The following RAB27B variants were observed in gnomAD, a reference collection of about 807,000 sequenced individuals.
RAB27B encodes the protein ras-related protein Rab-27B.
A neutral mutation model predicts 24.6 loss-of-function variants in RAB27B; 15 were observed. The observed-to-expected ratio is 0.61, with a 90% CI of 0.41 to 0.94. The LOEUF is 0.94. Ranked by LOEUF, RAB27B falls within the 40% of genes least tolerant of loss-of-function variation. The pLI is 0.00. For missense variants in RAB27B, 261 were observed against 266.8 expected (o/e 0.98, Z 0.15); for synonymous variants, 105 against 92.5 (o/e 1.14, Z -0.78).
At chr18:54,785,521 A>G (rs1400705878) in intron 2 of RAB27B, among the ~76,000 whole-genome samples, 2 of 137,482 alleles carry the variant, frequency 1.5e-5, no homozygotes, top group Non-Finnish European at 3.0e-5. Context: ...TGATTCCCCC[A>G]TACTGACTAT....
At chr18:54,855,594 T>C (rs1911752917) in intron 1 of RAB27B, among the ~76,000 whole-genome samples, 1 of 152,182 alleles carries the variant, frequency 6.6e-6, no homozygotes, top group South Asian at 2.1e-4. Flanking sequence ...CCCGTTCCAG[T>C]ACCTCATTAA....
intron 1 of RAB27B, among the ~76,000 whole-genome samples, chr18:54,831,333 T>A (rs1386682817): frequency 6.6e-6 from 1 of 151,820 alleles, no homozygotes; most frequent in Non-Finnish European, 1.5e-5. Flanking sequence ...AAGAAGCCCA[T>A]GAACCTGGCA....
intron 1 of RAB27B, among the ~76,000 whole-genome samples, chr18:54,863,241 G>T (rs930251057): frequency 6.6e-6 from 1 of 151,980 alleles, no homozygotes; most frequent in South Asian, 2.1e-4. Flanking sequence ...AACTATATCA[G>T]GCCCTATTGT....
At chr18:54,857,683 C>A (rs147284096) in intron 1 of RAB27B, among the ~76,000 whole-genome samples, 1 of 152,166 alleles carries the variant, frequency 6.6e-6, no homozygotes, top group Non-Finnish European at 1.5e-5. Context: ...CTCACGTGTT[C>A]ATGTGTGTGC....
rs1350568712 is a variant in RAB27B at position 54,726,114 on chromosome 18, T to C, written c.-20+7973T>C. On this transcript the variant is annotated intron_variant, in intron 2 of 4. Transcript: ENST00000586570. Reference sequence around the variant, plus strand: ...TTTATAAGCAAGGTCCAATATACTATAAATCTACTTTTTAATGTTAAGTTG... The same window carrying C: ...TTTATAAGCAAGGTCCAATATACTACAAATCTACTTTTTAATGTTAAGTTG... Among the ~76,000 whole-genome samples, 4 of 151,568 alleles carry C rather than the reference T, an allele frequency of 2.6e-5. No homozygotes were observed. In the East Asian group the frequency reaches 7.7e-4, roughly 29 times the overall value.
intron 2 of RAB27B, among the ~76,000 whole-genome samples, chr18:54,816,504 A>G (rs547454574): frequency 7.2e-5 from 11 of 152,370 alleles, no homozygotes; most frequent in Non-Finnish European, 1.3e-4. Flanking sequence ...TTGAACATTA[A>G]TAACAAAATG....
At chr18:54,723,392 C>A (rs981631679) in intron 2 of RAB27B, among the ~76,000 whole-genome samples, 1 of 152,110 alleles carries the variant, frequency 6.6e-6, no homozygotes, top group Admixed American at 6.6e-5. Context: ...GTTATTTTGT[C>A]ATTTTCTTCA....
At chr18:54,852,403 G>A (rs1911623688) in intron 1 of RAB27B, among the ~76,000 whole-genome samples, 1 of 152,134 alleles carries the variant, frequency 6.6e-6, no homozygotes, top group Admixed American at 6.5e-5. Context: ...TCTCAATATG[G>A]CATAATTTTG....
intron 2 of RAB27B, among the ~76,000 whole-genome samples, chr18:54,796,682 C>T (rs1241233683): frequency 1.3e-5 from 2 of 152,262 alleles, no homozygotes; most frequent in Admixed American, 6.5e-5. Flanking sequence ...TGTGTGTGCC[C>T]GCTAAGGTCT....
At chr18:54,850,359 T>TATATATATATATATATATATACAC (rs1491518141) in intron 1 of RAB27B, among the ~76,000 whole-genome samples, 6 of 126,870 alleles carry the variant, frequency 4.7e-5, no homozygotes, top group African/African-American at 1.9e-4. Flanking sequence ...TATATATATA[T>TATATATATATATATATATATACAC]ACATACATAC....
At chr18:54,792,633 T>G (rs1909286206) in intron 2 of RAB27B, among the ~76,000 whole-genome samples, 2 of 152,184 alleles carry the variant, frequency 1.3e-5, no homozygotes, top group Admixed American at 1.3e-4. Context: ...TTCCTCTAGT[T>G]ATTACTATAA....
chr18:54,870,008 T>C (rs1334320499), intron 1 of RAB27B, among the ~76,000 whole-genome samples: 2 of 152,138 alleles, frequency 1.3e-5, no homozygotes, highest in Non-Finnish European at 2.9e-5. Context: ...CAGGACAACG[T>C]GGTTTTACAT....
intron 2 of RAB27B, among the ~76,000 whole-genome samples, chr18:54,734,921 A>G (rs1909843392): frequency 6.6e-6 from 1 of 152,206 alleles, no homozygotes; most frequent in Non-Finnish European, 1.5e-5. Flanking sequence ...TGAATCTCAG[A>G]CAAACATAAA....
intron 1 of RAB27B, among the ~76,000 whole-genome samples, chr18:54,841,109 G>C (rs980418035): frequency 1.4e-5 from 2 of 139,002 alleles, no homozygotes; most frequent in African/African-American, 5.2e-5. Flanking sequence ...TCACATCATT[G>C]CACTCCAGCT....
At chr18:54,859,498 A>G (rs1289393057) in intron 1 of RAB27B, among the ~76,000 whole-genome samples, 1 of 152,180 alleles carries the variant, frequency 6.6e-6, no homozygotes, top group Admixed American at 6.5e-5. Context: ...AAAAAAAAAA[A>G]AAATCACCTA....
chr18:54,844,898 G>A (rs1351130880), intron 1 of RAB27B, among the ~76,000 whole-genome samples: 1 of 152,196 alleles, frequency 6.6e-6, no homozygotes, highest in South Asian at 2.1e-4. Context: ...TGAAAATGGA[G>A]GTATAGGGAG....
chr18:54,887,660 G>A (rs1317441968), intron 4 of RAB27B, among the ~76,000 whole-genome samples: 1 of 152,046 alleles, frequency 6.6e-6, no homozygotes, highest in Non-Finnish European at 1.5e-5. Context: ...AGCAAGAACA[G>A]CGCATGGATT....
chr18:54,757,370 G>A (rs765624592), intron 2 of RAB27B, among the ~76,000 whole-genome samples: 1 of 152,132 alleles, frequency 6.6e-6, no homozygotes, highest in Non-Finnish European at 1.5e-5. Flanking sequence ...AACCTCTGCT[G>A]GATGTCTGTT....
chr18:54,818,705 G>A (rs1910197387), intron 2 of RAB27B, among the ~76,000 whole-genome samples: 1 of 152,094 alleles, frequency 6.6e-6, no homozygotes, highest in African/African-American at 2.4e-5. Context: ...ATCTGAGAAA[G>A]CCCCACAATC....
Sources: allele counts gnomAD v4.1 joint callset (sites outside exome capture counted in the v4.1 genomes callset), GRCh38; gene constraint gnomAD v4.1.1; transcripts MANE v1.5; gene names NCBI Gene and HGNC (gene_info 2026-07-23, HGNC 2026-07-21).